The following TTC8 variants were observed in gnomAD, a reference collection of about 807,000 sequenced individuals.
The protein encoded by TTC8 is tetratricopeptide repeat domain 8, also known as tetratricopeptide repeat protein 8.
A neutral mutation model predicts 72.5 loss-of-function variants in TTC8; 47 were observed. The observed-to-expected ratio is 0.65, with a 90% CI of 0.51 to 0.83. TTC8 has a LOEUF of 0.83. TTC8 is among the 40% of genes least tolerant of loss of function. The probability of loss-of-function intolerance (pLI) is 0.00; values close to 1 mark genes in which losing one functional copy is unlikely to be tolerated. For synonymous variants in TTC8, 199 were observed against 221.4 expected (o/e 0.90, Z 0.90); for missense variants, 611 against 623.2 (o/e 0.98, Z 0.21).
At chr14:88,873,222 C>T (rs1342613331) in intron 13 of TTC8, among the ~76,000 whole-genome samples, 2 of 152,226 alleles carry the variant, frequency 1.3e-5, no homozygotes, top group African/African-American at 4.8e-5. Flanking sequence ...CTTGCAGACA[C>T]ATCGCTGCCT....
At chr14:88,838,850 A>C (rs576223556) in intron 2 of TTC8, among the ~76,000 whole-genome samples, 25 of 152,334 alleles carry the variant, frequency 1.6e-4, no homozygotes, top group African/African-American at 6.0e-4. Flanking sequence ...GAATCGGATA[A>C]ATTGATCTTA....
intron 14 of TTC8, 36 bp from the exon 15 acceptor site, chr14:88,877,258 T>C: frequency 6.6e-7 from 1 of 1,514,012 alleles, no homozygotes; most frequent in Non-Finnish European, 9.2e-7. Flanking sequence ...TTTTTTCTGA[T>C]CTCATTCCAT....
In TTC8 at chr14:88,874,880, G is replaced by A. The variant is rs537175190; in HGVS notation, c.1348-146G>A. Reference sequence around the variant, plus strand: ...TTCATGAAGTCATTGTATTTCATGAGGAATGTTGTCGGTATTTATCACAGG... The same window carrying A: ...TTCATGAAGTCATTGTATTTCATGAAGAATGTTGTCGGTATTTATCACAGG... On this transcript the variant is annotated intron_variant, in intron 13 of 14. Coordinates refer to ENST00000380656, the MANE Select transcript of TTC8 (RefSeq NM_144596.4). The A allele has an allele frequency of 1.6e-4, 90 of 564,088 alleles. 1 individual carries two copies. Among genetic ancestry groups the A allele is most frequent in the African/African-American group, 1.5e-3 (78 of 52,624 alleles). 34.9% of individuals were successfully genotyped at this position (564,088 alleles called of 1,614,324 possible).
downstream of TTC8, chr14:88,879,651 C>CATTATTATTATT (rs71130023): frequency 7.8e-5 from 11 of 141,174 alleles, no homozygotes; most frequent in South Asian, 4.7e-4. Flanking sequence ...CGTGTCACTA[C>CATTATTATTATT]ATTATTATTA....
intron 12 of TTC8, 62 bp from the exon 13 acceptor site, chr14:88,872,267 GA>G: frequency 6.2e-7 from 1 of 1,607,646 alleles, no homozygotes; most frequent in Non-Finnish European, 8.5e-7. Context: ...AGATACCTAT[GA>G]GGAAAGAAGG....
At chr14:88,835,477 T>C (rs1277529323) in intron 2 of TTC8, among the ~76,000 whole-genome samples, 1 of 152,212 alleles carries the variant, frequency 6.6e-6, no homozygotes, top group Non-Finnish European at 1.5e-5. Flanking sequence ...AGGGAAAAAT[T>C]GATATGATTA....
chr14:88,853,147 A>G (rs1040739206), intron 8 of TTC8, 91 bp downstream of exon 8: 2 of 879,948 alleles, frequency 2.3e-6, no homozygotes, highest in East Asian at 2.6e-5. Flanking sequence ...AGATTTTCCC[A>G]TGAAGAAATG....
intron 11 of TTC8, among the ~76,000 whole-genome samples, chr14:88,870,484 TACTTAAA>T (rs1235883990): frequency 6.6e-6 from 1 of 152,238 alleles, no homozygotes; most frequent in Non-Finnish European, 1.5e-5. Context: ...GTTGAATAGT[TACTTAAA>T]ACTTATCATC....
chr14:88,839,077 G>C (rs1320387864), intron 2 of TTC8, among the ~76,000 whole-genome samples: 1 of 152,196 alleles, frequency 6.6e-6, no homozygotes, highest in African/African-American at 2.4e-5. Flanking sequence ...TATAATAAAG[G>C]ACTTGACCTT....
chr14:88,870,665 G>C (rs1024152285), intron 11 of TTC8, among the ~76,000 whole-genome samples: 6 of 152,114 alleles, frequency 3.9e-5, no homozygotes, highest in African/African-American at 1.4e-4. Context: ...TATTTTTTCA[G>C]TCTAAATAAA....
intron 8 of TTC8, among the ~76,000 whole-genome samples, chr14:88,853,723 A>G (rs1359769908): frequency 5.9e-5 from 9 of 152,164 alleles, no homozygotes; most frequent in Non-Finnish European, 1.3e-4. Flanking sequence ...TAATGTTTCA[A>G]TGTATTTTAA....
intron 7 of TTC8, among the ~76,000 whole-genome samples, chr14:88,849,361 A>C (rs1356130117): frequency 1.3e-5 from 2 of 152,192 alleles, no homozygotes; most frequent in African/African-American, 2.4e-5. Flanking sequence ...TAAAGCATGT[A>C]TTTTTATATC....
In TTC8 at chr14:88,870,113, G is replaced by A. The variant is rs2094927630; in HGVS notation, c.964G>A (p.Asp322Asn). The change falls in exon 11 of 15, where the codon GAC (aspartate) becomes AAC (asparagine). Residue 322 changes from aspartate (D) to asparagine (N), a missense_variant. By Grantham distance (23) the Asp-to-Asn change is conservative. Coordinates refer to ENST00000380656, the MANE Select transcript of TTC8 (RefSeq NM_144596.4). The part of the protein sequence containing the change: ...AEYYKEVLKQ[D>N]NTHVEAIACI... Reference sequence around the variant, plus strand: ...ATATTACAAAGAAGTTTTGAAACAAGACAATACTCATGTGGAAGCCATCGC... The same window carrying A: ...ATATTACAAAGAAGTTTTGAAACAAAACAATACTCATGTGGAAGCCATCGC... 4 of 1,614,010 alleles carry A rather than the reference G, an allele frequency of 2.5e-6. No individual in the cohort carries two copies. The highest frequency in any genetic ancestry group is 3.4e-6 in the Non-Finnish European group (4 of 1,179,938).
intron 14 of TTC8, among the ~76,000 whole-genome samples, chr14:88,876,472 T>G (rs1432289462): frequency 1.3e-5 from 2 of 152,158 alleles, no homozygotes; most frequent in Non-Finnish European, 2.9e-5. Context: ...AATTAATAAT[T>G]TATTGTATAT....
chr14:88,836,544 C>T (rs1262164776), intron 2 of TTC8, among the ~76,000 whole-genome samples: 2 of 149,240 alleles, frequency 1.3e-5, no homozygotes, highest in Admixed American at 1.3e-4. Context: ...AGTATTTATT[C>T]ATATTGCAGG....
At chr14:88,827,034 T>C (rs1290323952) in intron 1 of TTC8, among the ~76,000 whole-genome samples, 1 of 152,178 alleles carries the variant, frequency 6.6e-6, no homozygotes, top group Non-Finnish European at 1.5e-5. Context: ...CCTTTTTTTT[T>C]TTGACCCAGG....
chr14:88,839,607 A>G, intron 3 of TTC8, 35 bp downstream of exon 3: 1 of 1,608,580 alleles, frequency 6.2e-7, no homozygotes, highest in Non-Finnish European at 8.5e-7. Flanking sequence ...TTAATGAAAT[A>G]CCATTAAGAG....
chr14:88,842,084 A>G lies in TTC8; in HGVS notation c.579+570A>G, dbSNP rs376749922. Among the ~76,000 whole-genome samples the G allele has an allele frequency of 1.8e-4, 27 of 152,302 alleles. No individual in the cohort carries two copies. In the East Asian group the frequency reaches 2.5e-3, roughly 14 times the overall value. On this transcript the variant is annotated intron_variant, in intron 6 of 14. Coordinates refer to ENST00000380656, the MANE Select transcript of TTC8 (RefSeq NM_144596.4). Reference sequence around the variant, plus strand: ...GAGAGGGAGAAAGGGAAAGAGAGGCAGAGGGAGAGAAAGAGAAAAAGAAAA... The same window carrying G: ...GAGAGGGAGAAAGGGAAAGAGAGGCGGAGGGAGAGAAAGAGAAAAAGAAAA...
intron 1 of TTC8, among the ~76,000 whole-genome samples, chr14:88,826,929 C>T (rs763856386): frequency 6.6e-6 from 1 of 152,034 alleles, no homozygotes; most frequent in Non-Finnish European, 1.5e-5. Context: ...ACCCTAAAGG[C>T]TCTGAGTAGT....
Sources: gnomAD v4.1 joint callset for allele counts (sites outside exome capture counted in the v4.1 genomes callset) on GRCh38, gnomAD v4.1.1 for gene constraint, MANE v1.5 for transcripts, NCBI Gene and HGNC (gene_info 2026-07-23, HGNC 2026-07-21) for gene names.